Variants in GNG7 observed in about 807,000 individuals in gnomAD.
The protein encoded by GNG7 is guanine nucleotide-binding protein G(I)/G(S)/G(O) subunit gamma-7.
Under a neutral mutation model 4.0 loss-of-function variants are expected in GNG7, and 1 was observed. That is an observed-to-expected ratio of 0.25 (90% CI 0.09 to 1.18). The LOEUF (loss-of-function observed/expected upper bound fraction) is 1.18, where lower values mean the gene tolerates loss of function less well. Among genes scored for constraint, GNG7 ranks in the 50% most tolerant of loss-of-function variants. The pLI is 0.50. For synonymous variants in GNG7, 34 were observed against 36.9 expected (o/e 0.92, Z 0.29); for missense variants, 86 against 91.9 (o/e 0.94, Z 0.26).
chr19:2,538,953 A>C (rs1331025388), intron 3 of GNG7, among the ~76,000 whole-genome samples: 1 of 151,514 alleles, frequency 6.6e-6, no homozygotes, highest in Non-Finnish European at 1.5e-5. Context: ...TTGTATTTTT[A>C]GTAGAGACAG....
chr19:2,636,718 G>A (rs1205008967), intron 2 of GNG7, among the ~76,000 whole-genome samples: 1 of 152,152 alleles, frequency 6.6e-6, no homozygotes, highest in African/African-American at 2.4e-5. Flanking sequence ...GGGCCCCTAG[G>A]GCAGGGGCCA....
intron 3 of GNG7, among the ~76,000 whole-genome samples, chr19:2,544,151 C>G (rs1243047083): frequency 6.6e-6 from 1 of 152,166 alleles, no homozygotes; most frequent in Admixed American, 6.5e-5. Context: ...ACACAGTGTT[C>G]AGAGACAAGA....
At chr19:2,515,704 G>A (rs1340151521) in intron 4 of GNG7, among the ~76,000 whole-genome samples, 1 of 151,958 alleles carries the variant, frequency 6.6e-6, no homozygotes. Context: ...GGGATTACAG[G>A]TGTGAGCCAC....
intron 1 of GNG7, among the ~76,000 whole-genome samples, chr19:2,666,800 CTTTA>C (rs972527934): frequency 1.3e-5 from 2 of 152,214 alleles, no homozygotes; most frequent in African/African-American, 2.4e-5. Context: ...GCCAATAAAA[CTTTA>C]TTTATAGTAA....
chr19:2,677,873 T>C (rs7247260), intron 1 of GNG7, among the ~76,000 whole-genome samples: 48,330 of 152,066 alleles, frequency 0.32, 8,850 homozygotes, highest in East Asian at 0.56. Context: ...GTGCCCAGGA[T>C]GGCCCCACCT....
chr19:2,565,174 C>A (rs1481810804), intron 2 of GNG7, among the ~76,000 whole-genome samples: 1 of 152,154 alleles, frequency 6.6e-6, no homozygotes, highest in Non-Finnish European at 1.5e-5. Context: ...AAACGGAAAA[C>A]ACACGTGCAA....
intron 2 of GNG7, among the ~76,000 whole-genome samples, chr19:2,562,237 C>T (rs570782023): frequency 3.9e-4 from 60 of 152,138 alleles, no homozygotes; most frequent in African/African-American, 1.4e-3. Context: ...CCTGCTCAGC[C>T]CCAGGAACAC....
At chr19:2,560,266 C>G (rs959767286) in intron 2 of GNG7, among the ~76,000 whole-genome samples, 8 of 152,144 alleles carry the variant, frequency 5.3e-5, no homozygotes, top group African/African-American at 1.9e-4. Context: ...GCCTGTCCCT[C>G]GCGCCCCTAG....
Position 2,557,852 on chromosome 19 carries a change from T to G in GNG7, c.-77-2664A>C, listed in dbSNP as rs1345796432. On this transcript the variant is annotated intron_variant, in intron 2 of 4. Transcript: ENST00000382159. This position sits in a 1 kb window ranked among gnomAD's most constrained non-coding sequence, Gnocchi z 5.1. ...CATTTCTCTCTCAGGCTTACTTTTT[T>G]TCTCTTTGAGACAGAGTCTCACTCT... 2.0e-5 allele frequency among the ~76,000 whole-genome samples: 3 copies of G among 151,720 alleles called. No homozygotes were observed. The East Asian group carries it at 5.8e-4, about 29-fold the overall frequency.
intron 3 of GNG7, among the ~76,000 whole-genome samples, chr19:2,552,989 G>A (rs1979382655): frequency 6.6e-6 from 1 of 151,626 alleles, no homozygotes; most frequent in Admixed American, 6.6e-5. Context: ...CAGGAGGAAG[G>A]AAATTGTAAA....
At chr19:2,544,652 A>G (rs551631366) in intron 3 of GNG7, among the ~76,000 whole-genome samples, 119 of 152,282 alleles carry the variant, frequency 7.8e-4, no homozygotes, top group African/African-American at 2.8e-3. Context: ...TGGCCTCTCA[A>G]AGTGCTGGGA....
intron 2 of GNG7, among the ~76,000 whole-genome samples, chr19:2,635,757 A>G (rs1982291591): frequency 6.6e-6 from 1 of 151,998 alleles, no homozygotes; most frequent in South Asian, 2.1e-4. Context: ...TAATTTTTGT[A>G]TTTTTAGTAC....
Position 2,659,062 on chromosome 19 carries a change from C to T in GNG7, c.-134-12782G>A, listed in dbSNP as rs139608802. Reference sequence around the variant, plus strand: ...TCGGCTCACTGCAAGCTCCACCTCCCGGGTTCATGCCATTCTCCTGCCTCA... The same window carrying T: ...TCGGCTCACTGCAAGCTCCACCTCCTGGGTTCATGCCATTCTCCTGCCTCA... On this transcript the variant is annotated intron_variant, in intron 1 of 4. Transcript: ENST00000382159. Among the ~76,000 whole-genome samples the T allele has an allele frequency of 8.4e-3, 1,271 of 151,902 alleles. 18 individuals carry two copies. Among genetic ancestry groups the T allele is most frequent in the African/African-American group, 0.029 (1,212 of 41,480 alleles).
chr19:2,544,836 G>T (rs1471438096), intron 3 of GNG7, among the ~76,000 whole-genome samples: 1 of 152,038 alleles, frequency 6.6e-6, no homozygotes, highest in Non-Finnish European at 1.5e-5. Context: ...GCAACCGTAA[G>T]TGCCCAGCAC....
In GNG7 at chr19:2,551,591, A is replaced by AAATATATATTTATAAATATGTT. The variant is rs1979326902; in HGVS notation, c.-38+3557_-38+3558insAACATATTTATAAATATATATT. ...TATTATCTATAATATATAAATATGC[A>AAATATATATTTATAAATATGTT]TTTATAAATATATAAACAAATATAT... On this transcript the variant is annotated intron_variant, in intron 3 of 4. Transcript: ENST00000382159. 1.4e-5 allele frequency among the ~76,000 whole-genome samples: 2 copies of AAATATATATTTATAAATATGTT among 147,994 alleles called. 1 individual carries two copies. Among genetic ancestry groups the AAATATATATTTATAAATATGTT allele is most frequent in the African/African-American group, 4.9e-5 (2 of 40,892 alleles).
At chr19:2,659,207 G>T (rs1359830469) in intron 1 of GNG7, among the ~76,000 whole-genome samples, 1 of 151,658 alleles carries the variant, frequency 6.6e-6, no homozygotes, top group Non-Finnish European at 1.5e-5. Context: ...CTGACCTCGT[G>T]ATCCGCCCAC....
At chr19:2,572,577 G>A (rs1164985755) in intron 2 of GNG7, among the ~76,000 whole-genome samples, 1 of 149,630 alleles carries the variant, frequency 6.7e-6, no homozygotes, top group East Asian at 2.0e-4. Flanking sequence ...GACTACAGGT[G>A]TAAGCCACCG....
At chr19:2,631,101 T>C (rs1253429979) in intron 2 of GNG7, among the ~76,000 whole-genome samples, 3 of 152,172 alleles carry the variant, frequency 2.0e-5, no homozygotes, top group Non-Finnish European at 2.9e-5. Flanking sequence ...ATAGCAGGCA[T>C]GAAGACCAGA....
chr19:2,659,659 G>T (rs1568277188), intron 1 of GNG7, among the ~76,000 whole-genome samples: 1 of 145,420 alleles, frequency 6.9e-6, no homozygotes, highest in Non-Finnish European at 1.5e-5. Context: ...GAAGGGAGAG[G>T]AAGAGGGAGA....
Sources: gnomAD v4.1 joint callset for allele counts (sites outside exome capture counted in the v4.1 genomes callset) on GRCh38, gnomAD v4.1.1 for gene constraint, Gnocchi (gnomAD v3.1) non-coding constraint, MANE v1.5 for transcripts, NCBI Gene and HGNC (gene_info 2026-07-23, HGNC 2026-07-21) for gene names.